RAP1GAP: variants seen among roughly 807,000 people sequenced by gnomAD.
The protein encoded by RAP1GAP is rap1 GTPase-activating protein 1.
A neutral mutation model predicts 87.2 loss-of-function variants in RAP1GAP; 35 were observed. The observed-to-expected ratio is 0.40, with a 90% CI of 0.31 to 0.53. RAP1GAP has a LOEUF of 0.53. Among genes scored for constraint, RAP1GAP ranks in the 20% least tolerant of loss-of-function variants. RAP1GAP has a pLI of 0.48. For missense variants in RAP1GAP, 734 were observed against 898.9 expected (o/e 0.82, Z 2.35); for synonymous variants, 375 against 363.9 (o/e 1.03, Z -0.35).
Position 21,667,118 on chromosome 1 carries a change from C to T in RAP1GAP, c.-149+2136G>A, listed in dbSNP as rs957462899. Among the ~76,000 whole-genome samples, 100 of 151,092 alleles carry T rather than the reference C, an allele frequency of 6.6e-4. 4 individuals are homozygous for T. Among genetic ancestry groups the T allele is most frequent in the Admixed American group, 2.6e-4 (4 of 15,200 alleles). On this transcript the variant is annotated intron_variant, in intron 1 of 24. Coordinates refer to ENST00000374765, the MANE Select transcript of RAP1GAP (RefSeq NM_002885.4). ...TGTTTGCACAGCACATGCGGCTGCT[C>T]AGCAGCCTCTGACAGCCAGGACAAA...
Position 21,613,007 on chromosome 1 carries a change from G to T in RAP1GAP, c.528+169C>A, listed in dbSNP as rs2079392687. The T allele has an allele frequency of 2.8e-6, 2 of 725,276 alleles. No homozygotes were observed. Among genetic ancestry groups the T allele is most frequent in the Admixed American group, 2.1e-5 (1 of 46,720 alleles). The allele number at this position is 725,276 out of a possible 1,614,324, so 44.9% of individuals were successfully genotyped here. Reference sequence around the variant, plus strand: ...CTGTGCACCCTGGGGGAAGGCACAGGCCCTTTCGGTGGCTCCTCTTCTGCA... The same window carrying T: ...CTGTGCACCCTGGGGGAAGGCACAGTCCCTTTCGGTGGCTCCTCTTCTGCA... On this transcript the variant is annotated intron_variant, in intron 10 of 24. Coordinates refer to ENST00000374765, the MANE Select transcript of RAP1GAP (RefSeq NM_002885.4). The surrounding 1 kb of genome is among the most constrained non-coding windows in gnomAD (Gnocchi z 4.7).
At chr1:21,660,625 C>T (rs10458382) in intron 1 of RAP1GAP, among the ~76,000 whole-genome samples, 43,981 of 151,588 alleles carry the variant, frequency 0.29, 7,033 homozygotes, top group East Asian at 0.52. Context: ...AGAGCCACTG[C>T]ACCCAGCCCC....
In RAP1GAP at chr1:21,603,034, C is replaced by G. The variant is rs547236640; in HGVS notation, c.1429-121G>C. ...AGCAGAGTTGATGAGCAAGAAAGAA[C>G]GAGAGAAGATATCCATTCCCAGAGA... On this transcript the variant is annotated intron_variant, in intron 18 of 24. Coordinates refer to ENST00000374765, the MANE Select transcript of RAP1GAP (RefSeq NM_002885.4). The surrounding 1 kb of genome is among the most constrained non-coding windows in gnomAD (Gnocchi z 6.0). 2.9e-6 allele frequency: 2 copies of G among 681,032 alleles called. No homozygotes were observed. Among genetic ancestry groups the G allele is most frequent in the South Asian group, 3.8e-5 (2 of 52,178 alleles). The allele number at this position is 681,032 out of a possible 1,614,324, so 42.2% of individuals were successfully genotyped here.
Position 21,608,318 on chromosome 1 carries a change from G to C in RAP1GAP, c.1191C>G (p.Leu397=), listed in dbSNP as rs999740971. 3 of 1,613,854 alleles carry C rather than the reference G, an allele frequency of 1.9e-6. No homozygotes were observed. The highest frequency in any genetic ancestry group is 2.5e-6 in the Non-Finnish European group (3 of 1,179,908). ...GGCTGTGGATGTGTAGTTCCTCATA[G>C]AGCGTCTCCAGGAGGGCGGCCCGCG... ...ERTRAALLET[L]YEELHIHSQS... The change falls in exon 17 of 25, where the codon CTC becomes CTG. Residue 397 remains leucine, a synonymous_variant. Transcript: ENST00000374765.
At chr1:21,649,827 G>A (rs2096412371) in intron 1 of RAP1GAP, 31 bp from the exon 2 acceptor site, 4 of 1,549,742 alleles carry the variant, frequency 2.6e-6, no homozygotes, top group East Asian at 4.9e-5. Flanking sequence ...CCATAGGTGA[G>A]GGGACATCCC....
In RAP1GAP at chr1:21,599,635, C is replaced by A. The variant is rs762660106; in HGVS notation, c.1653-18G>T. On this transcript the variant is annotated intron_variant, in intron 20 of 24. Transcript: ENST00000374765. ...TCTCCGCTCTGCCACAGACAGTGCC[C>A]CATTAGCCGGTGTCCACCCCGAGCC... 1 of 1,595,396 alleles carries A rather than the reference C, an allele frequency of 6.3e-7. No homozygotes were observed. The highest frequency in any genetic ancestry group is 8.5e-7 in the Non-Finnish European group (1 of 1,174,628).
chr1:21,626,586 C>T (rs1413454791), intron 2 of RAP1GAP, among the ~76,000 whole-genome samples, 189 bp from the exon 3 acceptor site: 1 of 152,132 alleles, frequency 6.6e-6, no homozygotes, highest in African/African-American at 2.4e-5. Flanking sequence ...CTTCTCCTTC[C>T]CCGGAGATCA....
At chr1:21,625,910 G>A (rs1246504900) in intron 3 of RAP1GAP, among the ~76,000 whole-genome samples, 1 of 152,104 alleles carries the variant, frequency 6.6e-6, no homozygotes, top group East Asian at 1.9e-4. Flanking sequence ...GCTGTGCCTG[G>A]GCCGCCCTGT....
intron 2 of RAP1GAP, among the ~76,000 whole-genome samples, chr1:21,629,339 A>T (rs1207697315): frequency 6.6e-6 from 1 of 152,112 alleles, no homozygotes; most frequent in African/African-American, 2.4e-5. Flanking sequence ...TATGATAGCC[A>T]TGCAGCAGTC....
At position 21,598,017 on chromosome 1, in the gene RAP1GAP, C is replaced by A. The variant is rs766272017; in HGVS notation, c.1927G>T (p.Ala643Ser). ...AGCTGGATCTTGATCTCGGGACACG[C>A]AGGGTCCCCCAACTTGCCGGCGTCT... ...HPDAGKLGDP[A>S]CPEIKIQLEA... Residue 643 changes from alanine (A) to serine (S), a missense_variant, in exon 23 of 25, where the codon GCG (alanine) becomes TCG (serine). Around this residue, in one of 2 missense-constraint regions of RAP1GAP, gnomAD observed 249 missense variants for 252.7 expected, o/e 0.99. Transcript: ENST00000374765. The A allele has an allele frequency of 1.6e-5, 26 of 1,583,424 alleles. No homozygotes were observed. Among genetic ancestry groups the A allele is most frequent in the Non-Finnish European group, 2.1e-5 (25 of 1,165,666 alleles).
chr1:21,620,574 C>T (rs142257352), intron 3 of RAP1GAP, among the ~76,000 whole-genome samples: 90 of 152,262 alleles, frequency 5.9e-4, no homozygotes, highest in African/African-American at 1.7e-3. Context: ...CCTGAACCCT[C>T]GCACACTCGA....
chr1:21,619,034 C>A lies in RAP1GAP; in HGVS notation c.57G>T (p.Pro19=). 1 of 1,600,484 alleles carries A rather than the reference C, an allele frequency of 6.2e-7. No individual in the cohort carries two copies. The highest frequency in any genetic ancestry group is 8.5e-7 in the Non-Finnish European group (1 of 1,172,772). Residue 19 remains proline, a synonymous_variant, in exon 5 of 25, where the codon CCG becomes CCT. Coordinates refer to ENST00000374765, the MANE Select transcript of RAP1GAP (RefSeq NM_002885.4). ...RMDEQRCSFP[P]PLKTEEDYIP... ...TGCCAGGCCCACCTACTTTGAGGGGCGGCGGGAAGGAGCAGCGTTGTTCAT... is the reference window on the plus strand; with the variant it reads ...TGCCAGGCCCACCTACTTTGAGGGGAGGCGGGAAGGAGCAGCGTTGTTCAT...
Position 21,613,983 on chromosome 1 carries a change from C to T in RAP1GAP, c.395+3G>A, listed in dbSNP as rs1355605038. ...CATCTCAGGACTCCCCCACCACCCT[C>T]ACCTGAGCAGCAGCCGCAGGTGCTC... On this transcript the variant is annotated splice_donor_region_variant and intron_variant, in intron 8 of 24. Transcript: ENST00000374765. This position sits in a 1 kb window ranked among gnomAD's most constrained non-coding sequence, Gnocchi z 4.7. The T allele has an allele frequency of 6.3e-6, 10 of 1,598,880 alleles. No individual in the cohort carries two copies. Among genetic ancestry groups the T allele is most frequent in the Non-Finnish European group, 8.6e-6 (10 of 1,168,288 alleles).
At chr1:21,665,285 G>A (rs774172093) in intron 1 of RAP1GAP, 1 of 516,980 alleles carries the variant, frequency 1.9e-6, no homozygotes, top group Non-Finnish European at 3.9e-6. Context: ...GGGGGTCCGA[G>A]GGAGGGTGGC....
chr1:21,602,824 T>C lies in RAP1GAP; in HGVS notation c.1518A>G (p.Ile506Met). 1 of 1,609,622 alleles carries C rather than the reference T, an allele frequency of 6.2e-7. No individual in the cohort carries two copies. The highest frequency in any genetic ancestry group is 1.1e-5 in the South Asian group (1 of 91,046). Reference protein sequence around the residue: ...RRSSAIGIENIQEVQEKRESP... With the variant: ...RRSSAIGIENMQEVQEKRESP... ...CCCACCTCTTCTCCTGCACCTCCTG[T>C]ATGTTCTCGATGCCAATGGCGCTGC... Residue 506 changes from isoleucine (I) to methionine (M), a missense_variant, in exon 19 of 25, where the codon ATA becomes ATG. This residue lies in a region of RAP1GAP where 249 missense variants were observed against 252.7 expected (regional missense o/e 0.99). Coordinates refer to ENST00000374765, the MANE Select transcript of RAP1GAP (RefSeq NM_002885.4).
At position 21,599,608 on chromosome 1, in the gene RAP1GAP, G is replaced by A. The variant is rs146649169; in HGVS notation, c.1662C>T (p.Thr554=). 1.8e-4 allele frequency: 294 copies of A among 1,605,538 alleles called. No individual in the cohort carries two copies. The highest frequency in any genetic ancestry group is 2.3e-4 in the Non-Finnish European group (269 of 1,179,770). ...TGAGCGCCTCTGCTCTCTGCGCTGC[G>A]GTCTCCGCTCTGCCACAGACAGTGC... ...EMPTTKNRAE[T]AAQRAEALKD... The change falls in exon 21 of 25, where the codon ACC becomes ACT. Residue 554 remains threonine, a synonymous_variant. Transcript: ENST00000374765.
chr1:21,656,465 C>T (rs1571440368), intron 1 of RAP1GAP, among the ~76,000 whole-genome samples: 1 of 144,040 alleles, frequency 6.9e-6, no homozygotes, highest in African/African-American at 2.6e-5. Context: ...GACCTAACAA[C>T]GGAAAGATAC....
rs769068005 is a variant in RAP1GAP, at chr1:21,611,494, G to A, written c.801C>T (p.His267=). The change falls in exon 13 of 25, where the codon CAC becomes CAT. Residue 267 remains histidine (H), a synonymous_variant. Coordinates refer to ENST00000374765, the MANE Select transcript of RAP1GAP (RefSeq NM_002885.4). ...CNFRNKEIMF[H]VSTKLPYTEG... ...CCGTGTATGGCAGCTTGGTGGACAC[G>A]TGAAACATGATCTCCTTGTTGCGGA... 13 of 1,614,092 alleles carry A rather than the reference G, an allele frequency of 8.1e-6. No homozygotes were observed. The highest frequency in any genetic ancestry group is 3.3e-5 in the Admixed American group (2 of 60,012).
chr1:21,661,435 T>C (rs1323164939), intron 1 of RAP1GAP, among the ~76,000 whole-genome samples: 1 of 152,158 alleles, frequency 6.6e-6, no homozygotes, highest in Non-Finnish European at 1.5e-5. Flanking sequence ...CTACGTTGAC[T>C]ATGAACATAA....
Sources: gnomAD v4.1 joint callset for allele counts (sites outside exome capture counted in the v4.1 genomes callset) on GRCh38, gnomAD v4.1.1 for gene constraint, gnomAD v4.1.1 regional missense constraint, Gnocchi (gnomAD v3.1) non-coding constraint, MANE v1.5 for transcripts, NCBI Gene and HGNC (gene_info 2026-07-23, HGNC 2026-07-21) for gene names.